Variants in VPS53 observed in about 807,000 individuals in gnomAD.
The protein encoded by VPS53 is vacuolar protein sorting-associated protein 53 homolog.
VPS53 carries 70 observed loss-of-function variants against 107.0 expected under a neutral mutation model. The ratio of observed to expected loss-of-function variants is 0.65; its 90% CI spans 0.54 to 0.80. The LOEUF (loss-of-function observed/expected upper bound fraction) is 0.80. VPS53 is among the 30% of genes least tolerant of loss of function. VPS53 has a pLI of 0.00. For synonymous variants in VPS53, 409 were observed against 393.3 expected (o/e 1.04, Z -0.47); for missense variants, 917 against 1,049.4 (o/e 0.87, Z 1.74).
intron 17 of VPS53, among the ~76,000 whole-genome samples, chr17:550,998 G>A (rs1911768569): frequency 1.3e-5 from 2 of 152,180 alleles, no homozygotes; most frequent in Admixed American, 6.5e-5. Context: ...AAGCACTAAT[G>A]AAAACACCCA....
intron 4 of VPS53, among the ~76,000 whole-genome samples, chr17:688,846 C>T (rs956844373): frequency 6.6e-5 from 10 of 152,212 alleles, no homozygotes; most frequent in Non-Finnish European, 1.2e-4. Context: ...CCACAGATCA[C>T]GGTGTTCAGG....
At chr17:532,803 A>G (rs768660524) in intron 19 of VPS53, 39 bp downstream of exon 19, 1 of 1,610,898 alleles carries the variant, frequency 6.2e-7, no homozygotes. Flanking sequence ...TCTACAACAA[A>G]AGCTGCCAGG....
chr17:553,990 A>G (rs1464597713), intron 15 of VPS53, among the ~76,000 whole-genome samples: 2 of 152,206 alleles, frequency 1.3e-5, no homozygotes, highest in African/African-American at 2.4e-5. Flanking sequence ...CTTCCTCCAG[A>G]GCCTGTGCCC....
chr17:608,772 C>A (rs867433067), intron 11 of VPS53, among the ~76,000 whole-genome samples: 1 of 151,964 alleles, frequency 6.6e-6, no homozygotes, highest in African/African-American at 2.4e-5. Context: ...CACACTACCA[C>A]GCCCTGCTCA....
At chr17:629,509 G>A (rs1342111056) in intron 8 of VPS53, among the ~76,000 whole-genome samples, 1 of 152,158 alleles carries the variant, frequency 6.6e-6, no homozygotes, top group Non-Finnish European at 1.5e-5. Context: ...TGTAATCCCA[G>A]CACTTTGGGA....
At chr17:663,625 G>A (rs550895277) in intron 4 of VPS53, among the ~76,000 whole-genome samples, 6 of 152,324 alleles carry the variant, frequency 3.9e-5, no homozygotes, top group East Asian at 1.9e-4. Flanking sequence ...GTCTGTGAGC[G>A]TGTCAGCAGG....
intron 10 of VPS53, 31 bp from the exon 11 acceptor site, chr17:623,705 A>G (rs1348525461): frequency 6.3e-7 from 1 of 1,587,932 alleles, no homozygotes; most frequent in African/African-American, 1.3e-5. Context: ...AATACTATCA[A>G]ACAAGCTGAT....
intron 2 of VPS53, among the ~76,000 whole-genome samples, chr17:706,559 C>T (rs1973409892): frequency 6.6e-6 from 1 of 151,120 alleles, no homozygotes; most frequent in Non-Finnish European, 1.5e-5. Flanking sequence ...AAAAATTACA[C>T]AAGCAAGTCA....
intron 4 of VPS53, among the ~76,000 whole-genome samples, chr17:681,320 A>G (rs1405604473): frequency 2.0e-5 from 3 of 152,184 alleles, no homozygotes; most frequent in Non-Finnish European, 2.9e-5. Flanking sequence ...TATTTTTAGT[A>G]GAGACATGGT....
chr17:675,323 A>C (rs890798313), intron 4 of VPS53: 4 of 152,242 alleles, frequency 2.6e-5, no homozygotes, highest in African/African-American at 7.2e-5. Context: ...TCACGGAAGT[A>C]GGAGAGGGCT....
chr17:692,827 C>A (rs1007183680), intron 4 of VPS53, among the ~76,000 whole-genome samples: 1 of 152,176 alleles, frequency 6.6e-6, no homozygotes, highest in South Asian at 2.1e-4. Flanking sequence ...ATGGTGAAAC[C>A]CTGTCTCTAC....
intron 12 of VPS53, among the ~76,000 whole-genome samples, chr17:597,103 T>A (rs1407830431): frequency 6.6e-6 from 1 of 152,208 alleles, no homozygotes. Flanking sequence ...TGGCAACTGA[T>A]TGCTCAGGCC....
intron 4 of VPS53, among the ~76,000 whole-genome samples, chr17:670,448 C>T (rs558959718): frequency 7.9e-5 from 12 of 152,312 alleles, no homozygotes; most frequent in Non-Finnish European, 1.3e-4. Context: ...CTGGAGGAGA[C>T]GGTGAGCAGG....
chr17:707,497 G>A (rs1973454222), intron 2 of VPS53, among the ~76,000 whole-genome samples: 1 of 150,480 alleles, frequency 6.6e-6, no homozygotes, highest in Non-Finnish European at 1.5e-5. Flanking sequence ...TCCAGCCTGG[G>A]GGACAAGAAT....
At position 650,249 on chromosome 17, in the gene VPS53, C is replaced by T. The variant is rs1233967505; in HGVS notation, c.608+3042G>A. On this transcript the variant is annotated intron_variant, in intron 7 of 21. Coordinates refer to ENST00000437048, the MANE Select transcript of VPS53 (RefSeq NM_001128159.3). Reference sequence around the variant, plus strand: ...GTGGCTCACGCTTGTAATCCCAGCACTTTGGGAGGATGAGGCAGGAGGATC... The same window carrying T: ...GTGGCTCACGCTTGTAATCCCAGCATTTTGGGAGGATGAGGCAGGAGGATC... Among the ~76,000 whole-genome samples, 4 of 152,314 alleles carry T rather than the reference C, an allele frequency of 2.6e-5. No homozygotes were observed. The East Asian group carries it at 7.7e-4, about 29-fold the overall frequency.
At chr17:529,177 T>C (rs1273087760) in intron 19 of VPS53, among the ~76,000 whole-genome samples, 1 of 151,894 alleles carries the variant, frequency 6.6e-6, no homozygotes, top group Non-Finnish European at 1.5e-5. Context: ...ATAAATCAAG[T>C]ATCTACACAT....
chr17:672,153 AT>A (rs1971982025), intron 4 of VPS53, among the ~76,000 whole-genome samples: 10 of 58,370 alleles, frequency 1.7e-4, no homozygotes, highest in South Asian at 5.9e-4. Flanking sequence ...CACACACACA[AT>A]CTCTCTCTCA....
intron 13 of VPS53, among the ~76,000 whole-genome samples, chr17:562,984 T>G (rs1453498705): frequency 6.6e-6 from 1 of 152,104 alleles, no homozygotes; most frequent in African/African-American, 2.4e-5. Flanking sequence ...CATTTGTGCT[T>G]TATACTTTTC....
At position 598,722 on chromosome 17, in the gene VPS53, C is replaced by G. The variant is rs147049164; in HGVS notation, c.1218+3073G>C. Among the ~76,000 whole-genome samples the G allele has an allele frequency of 1.9e-5, 2 of 106,590 alleles. 1 individual carries two copies. The highest frequency in any genetic ancestry group is 2.0e-4 in the Admixed American group (2 of 9,942). 69.9% of individuals were successfully genotyped at this position (106,590 alleles called of 152,430 possible). Reference sequence around the variant, plus strand: ...CTGAGAAGTGAGGAGACCCTCTGCCCGGCAACCGCCCCGTCTGAGAAGTGA... The same window carrying G: ...CTGAGAAGTGAGGAGACCCTCTGCCGGGCAACCGCCCCGTCTGAGAAGTGA... On this transcript the variant is annotated intron_variant, in intron 12 of 21. Coordinates refer to ENST00000437048, the MANE Select transcript of VPS53 (RefSeq NM_001128159.3).
Sources: allele counts gnomAD v4.1 joint callset (sites outside exome capture counted in the v4.1 genomes callset), GRCh38; gene constraint gnomAD v4.1.1; transcripts MANE v1.5; gene names NCBI Gene and HGNC (gene_info 2026-07-23, HGNC 2026-07-21).